STAT5B: variants seen among roughly 807,000 people sequenced by gnomAD.
STAT5B encodes transcription factor STAT5B.
Under a neutral mutation model 107.8 loss-of-function variants are expected in STAT5B, and 21 were observed. That is an observed-to-expected ratio of 0.19 (90% CI 0.14 to 0.28). The LOEUF (loss-of-function observed/expected upper bound fraction) is 0.28, where lower values mean the gene tolerates loss of function less well. Among genes scored for constraint, STAT5B ranks in the 10% least tolerant of loss-of-function variants. STAT5B has a pLI of 1.00. For missense variants in STAT5B, 565 were observed against 1,008.2 expected (o/e 0.56, Z 5.95); for synonymous variants, 325 against 401.7 (o/e 0.81, Z 2.28).
intron 16 of STAT5B, among the ~76,000 whole-genome samples, chr17:42,205,919 A>G (rs746113003): frequency 7.8e-4 from 119 of 151,934 alleles, no homozygotes; most frequent in Non-Finnish European, 1.3e-3. Flanking sequence ...AAACAAAACA[A>G]CAACAAAAAA....
At chr17:42,268,155 A>G (rs1372698342) in intron 1 of STAT5B, among the ~76,000 whole-genome samples, 2 of 152,144 alleles carry the variant, frequency 1.3e-5, no homozygotes, top group Non-Finnish European at 2.9e-5. Context: ...AGTTGCCCAG[A>G]GCAACTTCCA....
At chr17:42,257,574 C>T (rs2080557216) in intron 1 of STAT5B, among the ~76,000 whole-genome samples, 1 of 152,194 alleles carries the variant, frequency 6.6e-6, no homozygotes, top group Non-Finnish European at 1.5e-5. Context: ...TGGTCCAGGA[C>T]ATACAGTTTT....
intron 2 of STAT5B, among the ~76,000 whole-genome samples, chr17:42,229,230 AC>A (rs2080298498): frequency 6.6e-6 from 1 of 151,660 alleles, no homozygotes; most frequent in East Asian, 2.0e-4. Context: ...GCTCACTGCA[AC>A]CTCTGCCTCC....
At chr17:42,240,788 G>C (rs2080395424) in intron 1 of STAT5B, among the ~76,000 whole-genome samples, 1 of 152,132 alleles carries the variant, frequency 6.6e-6, no homozygotes, top group Admixed American at 6.5e-5. Flanking sequence ...ACTTAAGGTG[G>C]TTTGCCATTT....
chr17:42,233,447 G>A (rs1469539141), intron 1 of STAT5B, among the ~76,000 whole-genome samples: 5 of 150,914 alleles, frequency 3.3e-5, no homozygotes, highest in Non-Finnish European at 1.5e-5. Context: ...CCACCTAAGA[G>A]TTGGAAATAT....
intron 17 of STAT5B, 111 bp from the exon 18 acceptor site, chr17:42,202,558 GC>G (rs1323222924): frequency 3.5e-6 from 5 of 1,441,756 alleles, no homozygotes; most frequent in Non-Finnish European, 4.8e-6. Flanking sequence ...AGGACAAAGT[GC>G]CCCACTCGGC....
intron 5 of STAT5B, among the ~76,000 whole-genome samples, chr17:42,221,627 C>T (rs1215521612): frequency 6.6e-6 from 1 of 152,178 alleles, no homozygotes; most frequent in East Asian, 1.9e-4. Context: ...CCCAAATCTT[C>T]CGTTTCCATT....
At chr17:42,265,586 C>T (rs769121196) in intron 1 of STAT5B, among the ~76,000 whole-genome samples, 1 of 151,914 alleles carries the variant, frequency 6.6e-6, no homozygotes, top group African/African-American at 2.4e-5. Flanking sequence ...CTCCTGACCT[C>T]GTGATCCGAC....
chr17:42,202,040 C>T lies in STAT5B; in HGVS notation c.2238-176G>A, dbSNP rs80230274. On this transcript the variant is annotated intron_variant, in intron 18 of 18. Coordinates refer to ENST00000293328, the MANE Select transcript of STAT5B (RefSeq NM_012448.4). ...TGTACAGCAACTCAGACTGAAATACCCTCCCCTGTTACCTCTCACACCGGC... is the reference window on the plus strand; with the variant it reads ...TGTACAGCAACTCAGACTGAAATACTCTCCCCTGTTACCTCTCACACCGGC... 3,158 of 664,704 alleles carry T rather than the reference C, an allele frequency of 4.8e-3. 79 individuals are homozygous for T. In the African/African-American group the frequency reaches 0.051, roughly 11 times the overall value. 41.2% of individuals were successfully genotyped at this position (664,704 alleles called of 1,614,324 possible).
chr17:42,216,275 G>A (rs2080171465), intron 11 of STAT5B, among the ~76,000 whole-genome samples, 169 bp from the exon 12 acceptor site: 1 of 151,784 alleles, frequency 6.6e-6, no homozygotes, highest in African/African-American at 2.4e-5. Flanking sequence ...TTTTCATACT[G>A]GCACAATCTT....
chr17:42,280,920 G>T (rs1011976622), upstream of STAT5B, among the ~76,000 whole-genome samples: 1 of 152,010 alleles, frequency 6.6e-6, no homozygotes, highest in South Asian at 2.1e-4. Flanking sequence ...GGGTCAGGAG[G>T]TCAGGCGATC....
At chr17:42,244,327 G>A (rs1232609637) in intron 1 of STAT5B, among the ~76,000 whole-genome samples, 1 of 150,482 alleles carries the variant, frequency 6.6e-6, no homozygotes, top group African/African-American at 2.5e-5. Context: ...CTGGGCTCAA[G>A]TGATCCTCTT....
chr17:42,202,307 T>G, intron 18 of STAT5B, 33 bp downstream of exon 18: 1 of 1,612,554 alleles, frequency 6.2e-7, no homozygotes, highest in South Asian at 1.1e-5. Context: ...CCCCAGTTCC[T>G]CCCCTGTGGA....
chr17:42,244,617 T>C (rs985990940), intron 1 of STAT5B, among the ~76,000 whole-genome samples: 2 of 152,170 alleles, frequency 1.3e-5, no homozygotes, highest in Admixed American at 6.6e-5. Flanking sequence ...CCACACATGT[T>C]ACCAATATTT....
chr17:42,217,490 CA>C, intron 9 of STAT5B, 26 bp from the exon 10 acceptor site: 1 of 1,613,386 alleles, frequency 6.2e-7, no homozygotes, highest in African/African-American at 1.3e-5. Context: ...AGACCAGCTC[CA>C]AACCCATGCC....
upstream of STAT5B, among the ~76,000 whole-genome samples, chr17:42,278,174 C>T (rs1212910866): frequency 6.6e-6 from 1 of 152,174 alleles, no homozygotes; most frequent in Non-Finnish European, 1.5e-5. Flanking sequence ...GCATGACCTC[C>T]CTCCTTGTTT....
At chr17:42,207,113 T>G (rs967763877) in intron 16 of STAT5B, among the ~76,000 whole-genome samples, 4 of 152,126 alleles carry the variant, frequency 2.6e-5, no homozygotes, top group African/African-American at 7.2e-5. Context: ...CCTCAAATGA[T>G]CCGCCTGCCT....
intron 1 of STAT5B, among the ~76,000 whole-genome samples, chr17:42,243,193 A>T (rs79843305): frequency 0.37 from 56,149 of 151,408 alleles, 11,981 homozygotes; most frequent in African/African-American, 0.59. Context: ...ATAAATAAAA[A>T]AAAAATATAA....
chr17:42,209,118 T>C (rs1286797193), intron 15 of STAT5B, among the ~76,000 whole-genome samples: 2 of 151,502 alleles, frequency 1.3e-5, no homozygotes, highest in Admixed American at 6.6e-5. Context: ...CACTGTAACC[T>C]TGAACTCCCA....
Sources: gnomAD v4.1 joint callset for allele counts (sites outside exome capture counted in the v4.1 genomes callset) on GRCh38, gnomAD v4.1.1 for gene constraint, MANE v1.5 for transcripts, NCBI Gene and HGNC (gene_info 2026-07-23, HGNC 2026-07-21) for gene names.